The following GUSB variants were observed in gnomAD, a reference collection of about 807,000 sequenced individuals.
GUSB encodes the protein glucuronidase beta.
A neutral mutation model predicts 74.6 loss-of-function variants in GUSB; 51 were observed. That is an observed-to-expected ratio of 0.68 (90% CI 0.55 to 0.86). The LOEUF is 0.86. Among genes scored for constraint, GUSB ranks in the 40% least tolerant of loss-of-function variants. The probability of loss-of-function intolerance (pLI) is 0.00; values close to 1 mark genes in which losing one functional copy is unlikely to be tolerated. For synonymous variants in GUSB, 360 were observed against 348.3 expected, an observed-to-expected ratio of 1.03 and a Z score of -0.37; for missense variants, 736 against 853.7, an observed-to-expected ratio of 0.86 and a Z score of 1.72.
intron 8 of GUSB, 87 bp from the exon 9 acceptor site, chr7:65,970,453 G>A (rs938979629): frequency 1.9e-5 from 16 of 843,744 alleles, no homozygotes; most frequent in Middle Eastern, 2.5e-4. Context: ...ATCTTCCACC[G>A]CCAGAACACA....
chr7:65,967,629 G>A, intron 10 of GUSB, 102 bp downstream of exon 10: 1 of 992,490 alleles, frequency 1.0e-6, no homozygotes, highest in Non-Finnish European at 1.6e-6. Flanking sequence ...GCCCAAAGCT[G>A]AAGCGAGGGG....
At chr7:65,963,812 C>T (rs1347393822) in intron 11 of GUSB, among the ~76,000 whole-genome samples, 1 of 152,200 alleles carries the variant, frequency 6.6e-6, no homozygotes, top group Non-Finnish European at 1.5e-5. Context: ...TCCCAAAGTG[C>T]TGGGATTACA....
intron 10 of GUSB, among the ~76,000 whole-genome samples, chr7:65,966,704 A>G (rs1790861284): frequency 1.3e-5 from 2 of 152,050 alleles, no homozygotes; most frequent in Admixed American, 6.6e-5. Context: ...GAATTACTTC[A>G]GCCCTTTAGT....
At chr7:65,968,650 G>A (rs954472481) in intron 9 of GUSB, among the ~76,000 whole-genome samples, 23 of 152,164 alleles carry the variant, frequency 1.5e-4, no homozygotes, top group African/African-American at 2.9e-4. Flanking sequence ...TTAGTGGTGC[G>A]ATCTCAGCTC....
rs201928248 is a variant in GUSB, at chr7:65,967,857, G to A, written c.1527C>T (p.His509=). 202 of 1,606,124 alleles carry A rather than the reference G, an allele frequency of 1.3e-4. No individual in the cohort carries two copies. Among genetic ancestry groups the A allele is most frequent in the Admixed American group, 1.8e-4 (11 of 59,988 alleles). ...GAATCAACTCCAGGTGCCCGTAGTC[G>A]TGATACCAAGAGTAGTAGCTGTTCA... ...ICLNSYYSWY[H]DYGHLELIQL... Residue 509 remains histidine (H), a synonymous_variant, in exon 10 of 12, where the codon CAC becomes CAT. Transcript: ENST00000304895.
In GUSB at chr7:65,964,846, A is replaced by C. The variant is rs189020496; in HGVS notation, c.1654-388T>G. Among the ~76,000 whole-genome samples, 283 of 152,178 alleles carry C rather than the reference A, an allele frequency of 1.9e-3. 3 individuals carry two copies. The highest frequency in any genetic ancestry group is 6.6e-3 in the African/African-American group (276 of 41,514). ...CAATTTGGGAGGCTGAGGTGGGAGGACTGCTTGAGCCCAGGTGTTCAAGAC... is the reference window on the plus strand; with the variant it reads ...CAATTTGGGAGGCTGAGGTGGGAGGCCTGCTTGAGCCCAGGTGTTCAAGAC... On this transcript the variant is annotated intron_variant, in intron 10 of 11. Transcript: ENST00000304895.
Position 65,980,228 on chromosome 7 carries a change from A to T in GUSB, c.392T>A (p.Ile131Asn). ...CCTGCTCCTGGCCGCACTGACCACG[A>T]TGGCATAGGAATGGGCACTGCCAAT... ...LRIGSAHSYA[I>N]VWVNGVDTLE... Residue 131 changes from isoleucine to asparagine, a missense_variant, in exon 2 of 12, where the codon ATC (isoleucine) becomes AAC (asparagine). Transcript: ENST00000304895. 1 of 1,196,088 alleles carries T rather than the reference A, an allele frequency of 8.4e-7. No individual in the cohort carries two copies. The highest frequency in any genetic ancestry group is 1.1e-6 in the Non-Finnish European group (1 of 886,510). 74.1% of individuals were successfully genotyped at this position (1,196,088 alleles called of 1,614,324 possible).
chr7:65,975,929 T>A, intron 5 of GUSB, 86 bp downstream of exon 5: 1 of 1,019,524 alleles, frequency 9.8e-7, no homozygotes, highest in Non-Finnish European at 1.5e-6. Flanking sequence ...TGCCTGCCCA[T>A]CCACCTGTCT....
intron 9 of GUSB, among the ~76,000 whole-genome samples, chr7:65,969,361 A>G (rs562008829): frequency 6.6e-6 from 1 of 152,252 alleles, no homozygotes; most frequent in African/African-American, 2.4e-5. Context: ...CCTGGGCAAC[A>G]GAGCAAGATT....
intron 8 of GUSB, among the ~76,000 whole-genome samples, chr7:65,971,049 C>T (rs1386533054): frequency 3.3e-5 from 5 of 152,128 alleles, no homozygotes; most frequent in African/African-American, 1.2e-4. Flanking sequence ...AATCCTATAC[C>T]CCCAGAGGAG....
chr7:65,980,188 C>CT, intron 2 of GUSB, 36 bp downstream of exon 2: 1 of 452,838 alleles, frequency 2.2e-6, no homozygotes, highest in Non-Finnish European at 4.5e-6. Flanking sequence ...CAGCCGTGCC[C>CT]CCCCACCCGC....
intron 9 of GUSB, 125 bp from the exon 10 acceptor site, chr7:65,968,032 G>T (rs537626283): frequency 5.1e-6 from 4 of 787,530 alleles, no homozygotes; most frequent in Non-Finnish European, 8.6e-6. Context: ...CTGGGAGGCT[G>T]AGGCAGGAGG....
chr7:65,978,379 C>T (rs888509522), intron 4 of GUSB, among the ~76,000 whole-genome samples: 6 of 151,876 alleles, frequency 4.0e-5, no homozygotes, highest in Admixed American at 1.3e-4. Context: ...ACCCGGGAGG[C>T]GGAGGTTGCA....
rs1023997983 is a variant in GUSB at position 65,960,801 on chromosome 7, G to A, written c.*96C>T. ...ACAAAACCCAGGCCAGAAACGTTCTGGTCTGCCGTGAACAGTCCAGGAGGC... is the reference window on the plus strand; with the variant it reads ...ACAAAACCCAGGCCAGAAACGTTCTAGTCTGCCGTGAACAGTCCAGGAGGC... On this transcript the variant is annotated 3_prime_UTR_variant, in exon 12 of 12. Transcript: ENST00000304895. 1.0e-6 allele frequency: 1 copy of A among 994,360 alleles called. No individual in the cohort carries two copies. The highest frequency in any genetic ancestry group is 1.6e-6 in the Non-Finnish European group (1 of 616,072). The allele number at this position is 994,360 out of a possible 1,614,324, so 61.6% of individuals were successfully genotyped here.
At chr7:65,961,978 G>A (rs932295691) in intron 11 of GUSB, among the ~76,000 whole-genome samples, 1 of 151,144 alleles carries the variant, frequency 6.6e-6, no homozygotes, top group African/African-American at 2.4e-5. Context: ...CTCCAGCCTG[G>A]GCGACAGAGT....
chr7:65,961,133 G>T, intron 11 of GUSB, 70 bp from the exon 12 acceptor site: 1 of 1,423,880 alleles, frequency 7.0e-7, no homozygotes, highest in Admixed American at 1.7e-5. Flanking sequence ...AACCAGTCTG[G>T]AGCTAAGGTA....
intron 2 of GUSB, 39 bp downstream of exon 2, chr7:65,980,185 G>GATCC: frequency 1.4e-6 from 1 of 725,274 alleles, no homozygotes; most frequent in Non-Finnish European, 2.4e-6. Flanking sequence ...CAGCAGCCGT[G>GATCC]CCCCCCCACC....
Position 65,976,217 on chromosome 7 carries a change from A to G in GUSB, c.725-15T>C. 6.2e-7 allele frequency: 1 copy of G among 1,601,556 alleles called. No homozygotes were observed. The highest frequency in any genetic ancestry group is 8.5e-7 in the Non-Finnish European group (1 of 1,171,658). The stretch of plus-strand genomic sequence containing the variant: ...ATTCACCAGCCCTGCAAGAAACAAG[A>G]GAGACCAGGGCTGAGGGAGGGACAC... On this transcript the variant is annotated splice_polypyrimidine_tract_variant and intron_variant, in intron 4 of 11. Coordinates refer to ENST00000304895, the MANE Select transcript of GUSB (RefSeq NM_000181.4).
intron 10 of GUSB, 64 bp downstream of exon 10, chr7:65,967,667 G>A (rs1790924319): frequency 7.4e-7 from 1 of 1,342,520 alleles, no homozygotes; most frequent in African/African-American, 1.4e-5. Flanking sequence ...AGGTCAGGCT[G>A]GAGGAGGTGA....
Sources: gnomAD v4.1 joint callset for allele counts (sites outside exome capture counted in the v4.1 genomes callset) on GRCh38, gnomAD v4.1.1 for gene constraint, MANE v1.5 for transcripts, NCBI Gene and HGNC (gene_info 2026-07-23, HGNC 2026-07-21) for gene names.